The following COPB1 variants were observed in gnomAD, a reference collection of about 807,000 sequenced individuals.
COPB1 encodes the protein coatomer subunit beta.
Under a neutral mutation model 108.7 loss-of-function variants are expected in COPB1, and 21 were observed. The observed-to-expected ratio is 0.19, with a 90% CI of 0.14 to 0.28. The LOEUF (loss-of-function observed/expected upper bound fraction) is 0.28. COPB1 is among the 10% of genes least tolerant of loss of function. COPB1 has a pLI of 1.00. For missense variants in COPB1, 919 were observed against 1,141.3 expected (o/e 0.81, Z 2.81); for synonymous variants, 378 against 386.8 (o/e 0.98, Z 0.27).
intron 7 of COPB1, 24 bp from the exon 8 acceptor site, chr11:14,483,175 T>C: frequency 6.7e-7 from 1 of 1,501,448 alleles, no homozygotes; most frequent in Non-Finnish European, 9.0e-7. Flanking sequence ...GAAATACATT[T>C]TAAGAAGTTA....
chr11:14,485,449 T>C (rs1427317989), intron 7 of COPB1, among the ~76,000 whole-genome samples: 1 of 152,220 alleles, frequency 6.6e-6, no homozygotes, highest in South Asian at 2.1e-4. Flanking sequence ...TTTTAGGTGT[T>C]AGCCTCTGTG....
intron 8 of COPB1, among the ~76,000 whole-genome samples, chr11:14,481,318 T>C (rs2134115034): frequency 6.6e-6 from 1 of 152,354 alleles, no homozygotes; most frequent in South Asian, 2.1e-4. Context: ...TTACTTTGAC[T>C]CTGTCAAGCT....
At chr11:14,468,011 A>C (rs1272757810) in intron 16 of COPB1, among the ~76,000 whole-genome samples, 1 of 152,210 alleles carries the variant, frequency 6.6e-6, no homozygotes, top group East Asian at 1.9e-4. Context: ...AGAACTGTAC[A>C]CTTACAAATG....
chr11:14,475,234 T>C (rs1850496914), intron 13 of COPB1, among the ~76,000 whole-genome samples: 1 of 152,166 alleles, frequency 6.6e-6, no homozygotes, highest in South Asian at 2.1e-4. Flanking sequence ...AGCTTACCTG[T>C]TTATTTACTG....
chr11:14,476,593 T>G (rs568212160), intron 12 of COPB1, among the ~76,000 whole-genome samples: 1 of 152,176 alleles, frequency 6.6e-6, no homozygotes, highest in Non-Finnish European at 1.5e-5. Context: ...CTAGAACTAA[T>G]TGTCAGGTCT....
At chr11:14,482,308 T>G (rs2134115970) in intron 8 of COPB1, among the ~76,000 whole-genome samples, 1 of 152,320 alleles carries the variant, frequency 6.6e-6, no homozygotes, top group South Asian at 2.1e-4. Flanking sequence ...GCACTGCATT[T>G]ACCTGCCATG....
intron 20 of COPB1, 72 bp from the exon 21 acceptor site, chr11:14,458,759 G>A: frequency 7.5e-7 from 1 of 1,327,338 alleles, no homozygotes; most frequent in Non-Finnish European, 1.0e-6. Context: ...AACAGCATAG[G>A]TGACTTTTTT....
chr11:14,486,458 A>C lies in COPB1; in HGVS notation c.746T>G (p.Ile249Ser). 1 of 1,614,108 alleles carries C rather than the reference A, an allele frequency of 6.2e-7. No individual in the cohort carries two copies. The highest frequency in any genetic ancestry group is 8.5e-7 in the Non-Finnish European group (1 of 1,180,012). The change falls in exon 7 of 22, where the codon ATC becomes AGC. Residue 249 changes from isoleucine to serine, a missense_variant. By Grantham distance (142) the Ile-to-Ser change is moderately radical (BLOSUM62 -2). Coordinates refer to ENST00000439561, the MANE Select transcript of COPB1 (RefSeq NM_001144061.2). ...PSERARFIRC[I>S]YNLLQSSSPA... ...GCTGGATGACTGTAATAAGTTATAG[A>C]TGCAGCGAATAAAACGAGCTCTTTC...
chr11:14,484,006 G>C (rs1850715392), intron 7 of COPB1, among the ~76,000 whole-genome samples: 1 of 152,174 alleles, frequency 6.6e-6, no homozygotes, highest in Non-Finnish European at 1.5e-5. Flanking sequence ...TCAGTAATAA[G>C]ACATACAGAC....
At chr11:14,459,110 T>C (rs1338650314) in intron 20 of COPB1, among the ~76,000 whole-genome samples, 1 of 152,136 alleles carries the variant, frequency 6.6e-6, no homozygotes, top group Non-Finnish European at 1.5e-5. Flanking sequence ...ACATACAGGG[T>C]GGTGGTTACA....
At chr11:14,465,766 T>C (rs979678565) in intron 17 of COPB1, among the ~76,000 whole-genome samples, 14 of 152,196 alleles carry the variant, frequency 9.2e-5, no homozygotes, top group African/African-American at 3.4e-4. Flanking sequence ...ATGGGGGTAC[T>C]GCACTGTTCC....
At chr11:14,473,630 G>A (rs1850457065) in intron 14 of COPB1, among the ~76,000 whole-genome samples, 1 of 151,954 alleles carries the variant, frequency 6.6e-6, no homozygotes, top group Non-Finnish European at 1.5e-5. Flanking sequence ...TATGGGAATG[G>A]TTCCTGGCAT....
chr11:14,483,782 G>A (rs1450221349), intron 7 of COPB1, among the ~76,000 whole-genome samples: 1 of 152,156 alleles, frequency 6.6e-6, no homozygotes, highest in Non-Finnish European at 1.5e-5. Context: ...AATACTGAAT[G>A]AGAGAAATAG....
chr11:14,490,738 ACT>A (rs923114756), intron 4 of COPB1, 59 bp from the exon 5 acceptor site: 10 of 880,150 alleles, frequency 1.1e-5, no homozygotes, highest in Admixed American at 5.6e-5. Context: ...TATTTTAGTA[ACT>A]CTCTGGACAA....
At position 14,458,705 on chromosome 11, in the gene COPB1, T is replaced by C; in HGVS notation, c.2647-18A>G. 1 of 1,604,102 alleles carries C rather than the reference T, an allele frequency of 6.2e-7. No homozygotes were observed. Among genetic ancestry groups the C allele is most frequent in the Non-Finnish European group, 8.5e-7 (1 of 1,176,094 alleles). On this transcript the variant is annotated intron_variant, in intron 20 of 21. Coordinates refer to ENST00000439561, the MANE Select transcript of COPB1 (RefSeq NM_001144061.2). ...GAAAGGGCCTGGAAAAAATTTGTGA[T>C]AAATTCATTACTTTACCAGATACCT...
chr11:14,458,719 T>C, intron 20 of COPB1, 32 bp from the exon 21 acceptor site: 1 of 1,596,356 alleles, frequency 6.3e-7, no homozygotes, highest in Non-Finnish European at 8.5e-7. Flanking sequence ...TTCATTACTT[T>C]ACCAGATACC....
intron 8 of COPB1, among the ~76,000 whole-genome samples, chr11:14,481,730 T>C (rs1850663867): frequency 6.6e-6 from 1 of 152,258 alleles, no homozygotes. Flanking sequence ...AAAAAAGTTC[T>C]AAGAGTGAAC....
intron 15 of COPB1, 36 bp from the exon 16 acceptor site, chr11:14,468,896 T>C: frequency 6.4e-7 from 1 of 1,566,466 alleles, no homozygotes; most frequent in South Asian, 1.2e-5. Flanking sequence ...CTCTTTAATA[T>C]GAAAAGATAG....
chr11:14,486,799 CCAT>C (rs746699791), intron 6 of COPB1, among the ~76,000 whole-genome samples: 36 of 151,814 alleles, frequency 2.4e-4, no homozygotes, highest in African/African-American at 7.2e-4. Context: ...TTTATTCATC[CCAT>C]CATAATTTAT....
Sources: gnomAD v4.1 joint callset for allele counts (sites outside exome capture counted in the v4.1 genomes callset) on GRCh38, gnomAD v4.1.1 for gene constraint, MANE v1.5 for transcripts, NCBI Gene and HGNC (gene_info 2026-07-23, HGNC 2026-07-21) for gene names.